The following MAD1L1 variants were observed in gnomAD, a reference collection of about 807,000 sequenced individuals.
MAD1L1 encodes the protein mitotic arrest deficient 1 like 1.
MAD1L1 carries 95 observed loss-of-function variants against 96.9 expected under a neutral mutation model. That is an observed-to-expected ratio of 0.98 (90% CI 0.83 to 1.16). MAD1L1 has a LOEUF of 1.16. Ranked by LOEUF, MAD1L1 falls within the 50% of genes most tolerant of loss-of-function variation. MAD1L1 has a pLI of 0.00. For synonymous variants in MAD1L1, 473 were observed against 396.6 expected, an observed-to-expected ratio of 1.19 and a Z score of -2.29; for missense variants, 1,007 against 954.4, an observed-to-expected ratio of 1.06 and a Z score of -0.73.
intron 18 of MAD1L1, among the ~76,000 whole-genome samples, chr7:1,828,957 G>A (rs1431712923): frequency 6.6e-6 from 1 of 152,196 alleles, no homozygotes; most frequent in Admixed American, 6.5e-5. Flanking sequence ...TGCCAGATCA[G>A]ACATGGCGAA....
At chr7:2,145,645 C>T (rs1321669014) in intron 11 of MAD1L1, among the ~76,000 whole-genome samples, 4 of 152,196 alleles carry the variant, frequency 2.6e-5, no homozygotes, top group African/African-American at 9.7e-5. Flanking sequence ...GCTTCCGGCT[C>T]GGCATCTGCT....
chr7:1,840,783 A>G (rs573477781), intron 18 of MAD1L1, among the ~76,000 whole-genome samples: 2 of 152,236 alleles, frequency 1.3e-5, no homozygotes, highest in Non-Finnish European at 2.9e-5. Flanking sequence ...CTGCAGTTCA[A>G]GGTTTTAGCG....
chr7:2,015,861 C>T (rs1343511766), intron 12 of MAD1L1, among the ~76,000 whole-genome samples: 2 of 152,246 alleles, frequency 1.3e-5, no homozygotes, highest in African/African-American at 4.8e-5. Context: ...GCCCTTCTAA[C>T]ATGTGCCCCA....
intron 18 of MAD1L1, among the ~76,000 whole-genome samples, chr7:1,896,521 G>T (rs184995837): frequency 6.6e-6 from 1 of 152,210 alleles, no homozygotes; most frequent in South Asian, 2.1e-4. Context: ...AGTGACACAG[G>T]AGCACACACA....
At chr7:1,828,199 A>G (rs1453146916) in intron 18 of MAD1L1, among the ~76,000 whole-genome samples, 5 of 152,176 alleles carry the variant, frequency 3.3e-5, no homozygotes, top group African/African-American at 4.8e-5. Context: ...GCCATCTGAA[A>G]CAGCCAGAAT....
At chr7:2,213,351 G>C in intron 9 of MAD1L1, 78 bp from the exon 10 acceptor site, 1 of 1,350,144 alleles carries the variant, frequency 7.4e-7, no homozygotes, top group Non-Finnish European at 1.1e-6. Context: ...TCATGATCAC[G>C]GTGCTAAGTC....
At chr7:1,881,410 T>C (rs1481695110) in intron 18 of MAD1L1, among the ~76,000 whole-genome samples, 1 of 152,170 alleles carries the variant, frequency 6.6e-6, no homozygotes, top group Admixed American at 6.5e-5. Flanking sequence ...ATTAATTTTA[T>C]CCAAACTAAT....
At chr7:1,863,879 G>A (rs1784649474) in intron 18 of MAD1L1, among the ~76,000 whole-genome samples, 1 of 152,204 alleles carries the variant, frequency 6.6e-6, no homozygotes, top group South Asian at 2.1e-4. Context: ...ACAAGGTCAG[G>A]AGTTCAAGAC....
intron 10 of MAD1L1, among the ~76,000 whole-genome samples, chr7:2,195,046 C>G (rs1791915710): frequency 6.6e-6 from 1 of 151,862 alleles, no homozygotes; most frequent in Non-Finnish European, 1.5e-5. Flanking sequence ...AGAGATCATG[C>G]CACTGCACTC....
At chr7:1,963,675 G>C (rs376462934) in intron 15 of MAD1L1, among the ~76,000 whole-genome samples, 1 of 152,204 alleles carries the variant, frequency 6.6e-6, no homozygotes, top group Non-Finnish European at 1.5e-5. Context: ...TTCCGGAGGC[G>C]AGGCTGCTGG....
At chr7:2,181,300 G>A (rs983698433) in intron 10 of MAD1L1, among the ~76,000 whole-genome samples, 2 of 152,390 alleles carry the variant, frequency 1.3e-5, no homozygotes, top group South Asian at 4.1e-4. Flanking sequence ...GCTGCCAGCT[G>A]TAGTTGTTTT....
At chr7:2,080,556 C>T (rs893116788) in intron 11 of MAD1L1, among the ~76,000 whole-genome samples, 31 of 150,482 alleles carry the variant, frequency 2.1e-4, no homozygotes, top group African/African-American at 7.4e-4. Context: ...GCCTCCCCCA[C>T]GATCACAGGC....
intron 17 of MAD1L1, among the ~76,000 whole-genome samples, chr7:1,916,646 A>G (rs950435511): frequency 2.0e-5 from 3 of 152,170 alleles, no homozygotes; most frequent in Non-Finnish European, 4.4e-5. Context: ...GCAGCTGCCC[A>G]GGCCAGGCCT....
chr7:2,105,564 C>A (rs1426407867), intron 11 of MAD1L1, among the ~76,000 whole-genome samples: 1 of 152,140 alleles, frequency 6.6e-6, no homozygotes, highest in Non-Finnish European at 1.5e-5. Context: ...GCCCTGAAGC[C>A]AGGAAGTAAC....
At chr7:1,845,791 A>T (rs527821341) in intron 18 of MAD1L1, 3 of 152,738 alleles carry the variant, frequency 2.0e-5, no homozygotes, top group South Asian at 4.1e-4. Context: ...GACACGCTCC[A>T]CACCACCTCT....
chr7:1,884,059 C>T (rs11761270), intron 18 of MAD1L1, among the ~76,000 whole-genome samples: 44,907 of 134,074 alleles, frequency 0.33, 7,928 homozygotes, highest in East Asian at 0.47. Context: ...CACGCCAGAG[C>T]GAGCAGCTCA....
chr7:1,993,215 A>G (rs1045571025), intron 14 of MAD1L1, among the ~76,000 whole-genome samples: 1 of 152,220 alleles, frequency 6.6e-6, no homozygotes, highest in South Asian at 2.1e-4. Context: ...TGCAGACAGC[A>G]GTGACATGCA....
intron 18 of MAD1L1, among the ~76,000 whole-genome samples, chr7:1,863,853 C>A (rs1020454385): frequency 1.3e-5 from 2 of 152,172 alleles, no homozygotes; most frequent in Non-Finnish European, 2.9e-5. Context: ...CTCTGGCAGG[C>A]CGAGCCAGGT....
intron 16 of MAD1L1, among the ~76,000 whole-genome samples, chr7:1,952,407 G>A (rs1295523171): frequency 2.0e-5 from 3 of 152,186 alleles, no homozygotes; most frequent in South Asian, 2.1e-4. Flanking sequence ...AGGACCTAAC[G>A]TGGGTCCCTG....
Sources: allele counts gnomAD v4.1 joint callset (sites outside exome capture counted in the v4.1 genomes callset), GRCh38; gene constraint gnomAD v4.1.1; transcripts MANE v1.5; gene names NCBI Gene and HGNC (gene_info 2026-07-23, HGNC 2026-07-21).